The following TENM2 variants were observed in gnomAD, a reference collection of about 807,000 sequenced individuals.
TENM2 encodes the protein teneurin transmembrane protein 2.
Under a neutral mutation model 245.2 loss-of-function variants are expected in TENM2, and 52 were observed. The ratio of observed to expected loss-of-function variants is 0.21; its 90% CI spans 0.17 to 0.27. The LOEUF (loss-of-function observed/expected upper bound fraction) is 0.27. Ranked by LOEUF, TENM2 falls within the 10% of genes least tolerant of loss-of-function variation. The probability of loss-of-function intolerance (pLI) is 1.00; values close to 1 mark genes in which losing one functional copy is unlikely to be tolerated. For missense variants in TENM2, 3,046 were observed against 3,666.8 expected (o/e 0.83, Z 4.37); for synonymous variants, 1,363 against 1,438.9 (o/e 0.95, Z 1.19).
chr5:167,497,632 T>G (rs1768902358), intron 2 of TENM2, among the ~76,000 whole-genome samples: 1 of 152,010 alleles, frequency 6.6e-6, no homozygotes, highest in South Asian at 2.1e-4. Context: ...CAGTTTCAAT[T>G]AGAAAAAATC....
intron 2 of TENM2, among the ~76,000 whole-genome samples, chr5:167,761,400 G>A (rs1024696451): frequency 3.3e-5 from 5 of 151,964 alleles, no homozygotes; most frequent in African/African-American, 1.2e-4. Context: ...CAGAATAAAC[G>A]AGGAAACAAG....
At chr5:168,192,241 C>A (rs899474928) in intron 14 of TENM2, among the ~76,000 whole-genome samples, 2 of 152,102 alleles carry the variant, frequency 1.3e-5, no homozygotes, top group Non-Finnish European at 2.9e-5. Flanking sequence ...ATAACATTGC[C>A]CTAGAAATGT....
chr5:167,501,421 C>T (rs1769204275), intron 2 of TENM2, among the ~76,000 whole-genome samples: 1 of 152,084 alleles, frequency 6.6e-6, no homozygotes, highest in African/African-American at 2.4e-5. Context: ...TAGAAGGCAC[C>T]CAACAAGACA....
At chr5:167,681,721 C>A (rs1756720956) in intron 2 of TENM2, among the ~76,000 whole-genome samples, 1 of 152,106 alleles carries the variant, frequency 6.6e-6, no homozygotes, top group African/African-American at 2.4e-5. Flanking sequence ...AATTGCCCTC[C>A]AAAAAGATTG....
At chr5:167,189,021 T>C in the TENM2 span, among the ~76,000 whole-genome samples, 1 of 152,154 alleles carries the variant, frequency 6.6e-6, no homozygotes, top group Non-Finnish European at 1.5e-5. Flanking sequence ...TTTCCTGTTA[T>C]CCTCTATTCA....
intron 20 of TENM2, among the ~76,000 whole-genome samples, chr5:168,214,311 G>T (rs1339355086): frequency 6.6e-6 from 1 of 152,174 alleles, no homozygotes; most frequent in Non-Finnish European, 1.5e-5. Flanking sequence ...CACACACAAA[G>T]GTATTAATCC....
chr5:167,852,813 A>G (rs1385117237), intron 2 of TENM2, among the ~76,000 whole-genome samples: 1 of 152,212 alleles, frequency 6.6e-6, no homozygotes, highest in African/African-American at 2.4e-5. Context: ...GAATACAGCC[A>G]TCCTAATGTG....
chr5:167,572,374 G>T (rs1457806505), intron 2 of TENM2, among the ~76,000 whole-genome samples: 1 of 152,144 alleles, frequency 6.6e-6, no homozygotes, highest in African/African-American at 2.4e-5. Context: ...TAGTTGAAAT[G>T]GTTGTGTACT....
chr5:167,750,984 T>C (rs1761923992), intron 2 of TENM2, among the ~76,000 whole-genome samples: 1 of 152,224 alleles, frequency 6.6e-6, no homozygotes, highest in South Asian at 2.1e-4. Flanking sequence ...GCATATGATA[T>C]CAGGAAAGGC....
chr5:167,593,337 T>C (rs887586187), intron 2 of TENM2, among the ~76,000 whole-genome samples: 1 of 152,234 alleles, frequency 6.6e-6, no homozygotes, highest in Non-Finnish European at 1.5e-5. Context: ...TCTAAAAGGG[T>C]AATCACCTTG....
chr5:167,322,777 C>T (rs1174516688), intron 1 of TENM2, among the ~76,000 whole-genome samples: 1 of 152,124 alleles, frequency 6.6e-6, no homozygotes, highest in Non-Finnish European at 1.5e-5. Context: ...CATTAAACAC[C>T]ATTAGTAGGT....
At chr5:167,446,788 A>AAC (rs1554155068) in intron 2 of TENM2, among the ~76,000 whole-genome samples, 4 of 92,252 alleles carry the variant, frequency 4.3e-5, no homozygotes, top group Admixed American at 1.3e-4. Flanking sequence ...CAGTTTTTGA[A>AAC]ACACGCACAC....
At chr5:168,212,814 C>T (rs1762891739) in intron 20 of TENM2, among the ~76,000 whole-genome samples, 1 of 152,190 alleles carries the variant, frequency 6.6e-6, no homozygotes. Context: ...GGTATGGAGG[C>T]ATGGCTGTCC....
At chr5:167,805,583 A>G (rs1280353131) in intron 2 of TENM2, among the ~76,000 whole-genome samples, 1 of 152,170 alleles carries the variant, frequency 6.6e-6, no homozygotes, top group Non-Finnish European at 1.5e-5. Flanking sequence ...GTCAACCATG[A>G]TGAAACTTAC....
intron 1 of TENM2, among the ~76,000 whole-genome samples, chr5:167,340,643 C>T (rs535613064): frequency 6.6e-6 from 1 of 152,170 alleles, no homozygotes; most frequent in African/African-American, 2.4e-5. Flanking sequence ...GACTTTAGGG[C>T]TTCAGCTTAT....
the TENM2 span, among the ~76,000 whole-genome samples, chr5:167,270,650 A>T: frequency 6.6e-6 from 1 of 152,122 alleles, no homozygotes; most frequent in Non-Finnish European, 1.5e-5. Flanking sequence ...TGATGTGGCT[A>T]GTAACTTCCT....
chr5:167,295,843 T>C (rs1754920421), intron 1 of TENM2, among the ~76,000 whole-genome samples: 1 of 152,180 alleles, frequency 6.6e-6, no homozygotes, highest in Non-Finnish European at 1.5e-5. Context: ...CCTCCTGCAC[T>C]GACTGCCTTC....
At chr5:167,729,520 G>A (rs146018234) in intron 2 of TENM2, among the ~76,000 whole-genome samples, 1 of 152,278 alleles carries the variant, frequency 6.6e-6, no homozygotes, top group Admixed American at 6.5e-5. Flanking sequence ...ATGGAAGCAT[G>A]CTGGCTGTTT....
At chr5:168,149,263 A>G (rs1756422516) in intron 12 of TENM2, among the ~76,000 whole-genome samples, 2 of 152,106 alleles carry the variant, frequency 1.3e-5, no homozygotes, top group Non-Finnish European at 2.9e-5. Context: ...CTGATGCGGC[A>G]CGATGCTCCC....
Sources: gnomAD v4.1 joint callset for allele counts (sites outside exome capture counted in the v4.1 genomes callset) on GRCh38, gnomAD v4.1.1 for gene constraint, MANE v1.5 for transcripts, NCBI Gene and HGNC (gene_info 2026-07-23, HGNC 2026-07-21) for gene names.